The following ARB2A variants were observed in gnomAD, a reference collection of about 807,000 sequenced individuals.
ARB2A encodes ARB2 cotranscriptional regulator A, also known as cotranscriptional regulator ARB2A.
the ARB2A span, among the ~76,000 whole-genome samples, chr5:93,886,782 TTG>T: frequency 4.8e-3 from 735 of 151,872 alleles, 5 homozygotes; most frequent in African/African-American, 0.017. Context: ...TGACTCCGTT[TTG>T]TGTTTCTTCT....
the ARB2A span, among the ~76,000 whole-genome samples, chr5:93,795,516 T>C: frequency 6.6e-6 from 1 of 152,270 alleles, no homozygotes; most frequent in East Asian, 1.9e-4. Flanking sequence ...TCTTGGAGCA[T>C]ACATTCATGA....
At chr5:93,651,562 A>AAT in the ARB2A span, among the ~76,000 whole-genome samples, 4 of 152,214 alleles carry the variant, frequency 2.6e-5, no homozygotes, top group Non-Finnish European at 5.9e-5. Context: ...GACATGACAG[A>AAT]ATAAGTTCTT....
chr5:93,711,069 C>T, the ARB2A span, among the ~76,000 whole-genome samples: 5 of 152,072 alleles, frequency 3.3e-5, no homozygotes, highest in African/African-American at 9.7e-5. Context: ...TTTACCACTG[C>T]ACATTTTTGA....
the ARB2A span, among the ~76,000 whole-genome samples, chr5:93,940,750 G>A: frequency 6.6e-6 from 1 of 151,598 alleles, no homozygotes; most frequent in Non-Finnish European, 1.5e-5. Context: ...TTAATCTAAG[G>A]CTTGTTAATT....
the ARB2A span, among the ~76,000 whole-genome samples, chr5:93,855,700 T>C: frequency 6.6e-6 from 1 of 152,182 alleles, no homozygotes; most frequent in Admixed American, 6.5e-5. Flanking sequence ...AAGTATTTTA[T>C]TTCTCCTTCA....
the ARB2A span, among the ~76,000 whole-genome samples, chr5:93,981,462 G>A: frequency 1.3e-5 from 2 of 151,898 alleles, no homozygotes; most frequent in East Asian, 3.9e-4. Context: ...TCAAAACCAA[G>A]TAGAACAATG....
chr5:93,868,767 A>G, the ARB2A span, among the ~76,000 whole-genome samples: 1 of 152,204 alleles, frequency 6.6e-6, no homozygotes, highest in Non-Finnish European at 1.5e-5. Context: ...TAGAACCAAT[A>G]TATCTGCTCA....
At chr5:93,772,816 T>C in the ARB2A span, among the ~76,000 whole-genome samples, 2 of 152,174 alleles carry the variant, frequency 1.3e-5, no homozygotes, top group African/African-American at 4.8e-5. Context: ...GCTTACAACC[T>C]GGCAGCTGGT....
the ARB2A span, among the ~76,000 whole-genome samples, chr5:94,084,080 C>G: frequency 1.3e-5 from 2 of 151,586 alleles, no homozygotes; most frequent in African/African-American, 4.8e-5. Flanking sequence ...TCAAGACCAG[C>G]CTGGTCAATA....
At chr5:93,671,145 G>T in the ARB2A span, among the ~76,000 whole-genome samples, 3 of 152,050 alleles carry the variant, frequency 2.0e-5, no homozygotes, top group Non-Finnish European at 4.4e-5. Context: ...ATTCAACAGG[G>T]TACTGGTAAT....
the ARB2A span, among the ~76,000 whole-genome samples, chr5:93,731,434 C>T: frequency 6.6e-5 from 10 of 152,280 alleles, no homozygotes; most frequent in South Asian, 2.1e-4. Flanking sequence ...ACCAACCCTG[C>T]CCACAAACTC....
At chr5:93,913,090 T>C in the ARB2A span, among the ~76,000 whole-genome samples, 1 of 151,866 alleles carries the variant, frequency 6.6e-6, no homozygotes, top group Non-Finnish European at 1.5e-5. Flanking sequence ...CCTTTTTCTC[T>C]GTACTTCTGG....
the ARB2A span, among the ~76,000 whole-genome samples, chr5:93,704,726 A>G: frequency 3.3e-5 from 5 of 152,150 alleles, no homozygotes; most frequent in Admixed American, 6.5e-5. Flanking sequence ...ACACCATCCA[A>G]TGTGTCAGTG....
the ARB2A span, among the ~76,000 whole-genome samples, chr5:93,917,738 A>G: frequency 2.0e-5 from 3 of 151,962 alleles, no homozygotes; most frequent in African/African-American, 7.2e-5. Context: ...AATTAGCCAC[A>G]CATGGCAGCA....
At chr5:93,857,047 C>T in the ARB2A span, among the ~76,000 whole-genome samples, 1 of 152,194 alleles carries the variant, frequency 6.6e-6, no homozygotes, top group East Asian at 1.9e-4. Context: ...TAGAGGTCCA[C>T]TCCAGACCCT....
chr5:93,763,510 A>G, the ARB2A span, among the ~76,000 whole-genome samples: 3 of 152,212 alleles, frequency 2.0e-5, no homozygotes, highest in African/African-American at 7.2e-5. Flanking sequence ...CCCTAAATAT[A>G]TATGCACCGA....
the ARB2A span, among the ~76,000 whole-genome samples, chr5:93,722,912 TTACAA>T: frequency 2.6e-5 from 4 of 152,140 alleles, no homozygotes; most frequent in Admixed American, 1.3e-4. Flanking sequence ...AGCGTTCCTC[TTACAA>T]TACATGTTAA....
chr5:94,001,146 T>C, the ARB2A span, among the ~76,000 whole-genome samples: 1 of 152,096 alleles, frequency 6.6e-6, no homozygotes, highest in South Asian at 2.1e-4. Context: ...TGCCTCCTCA[T>C]ATACACTTTA....
At chr5:94,045,692 C>G in the ARB2A span, among the ~76,000 whole-genome samples, 1 of 152,100 alleles carries the variant, frequency 6.6e-6, no homozygotes, top group African/African-American at 2.4e-5. Flanking sequence ...TATTATTCAA[C>G]AAATATTGTC....
Sources: gnomAD v4.1 joint callset for allele counts (sites outside exome capture counted in the v4.1 genomes callset) on GRCh38, gnomAD v4.1.1 for gene constraint, MANE v1.5 for transcripts, NCBI Gene and HGNC (gene_info 2026-07-23, HGNC 2026-07-21) for gene names.